Variants in GRID2 observed in about 807,000 individuals in gnomAD.
GRID2 encodes the protein glutamate receptor ionotropic, delta-2.
Under a neutral mutation model 114.8 loss-of-function variants are expected in GRID2, and 33 were observed. That is an observed-to-expected ratio of 0.29 (90% CI 0.22 to 0.38). GRID2 has a LOEUF of 0.38. Among genes scored for constraint, GRID2 ranks in the 10% least tolerant of loss-of-function variants. The pLI, the probability that GRID2 is intolerant of heterozygous loss-of-function variation, is 1.00. For synonymous variants in GRID2, 505 were observed against 449.9 expected (o/e 1.12, Z -1.55); for missense variants, 1,184 against 1,257.7 (o/e 0.94, Z 0.89).
chr4:93,575,074 A>G (rs1258442574), intron 13 of GRID2, among the ~76,000 whole-genome samples: 1 of 152,112 alleles, frequency 6.6e-6, no homozygotes, highest in Non-Finnish European at 1.5e-5. Context: ...ATCTTAGGAG[A>G]GCCTATTCCA....
At chr4:93,057,555 T>C (rs1727377216) in intron 2 of GRID2, among the ~76,000 whole-genome samples, 1 of 151,768 alleles carries the variant, frequency 6.6e-6, no homozygotes, top group African/African-American at 2.4e-5. Flanking sequence ...AAAAAAGACA[T>C]AAAGTAAAAC....
chr4:92,404,611 G>A (rs1560609797), intron 1 of GRID2, among the ~76,000 whole-genome samples: 1 of 152,010 alleles, frequency 6.6e-6, no homozygotes, highest in Non-Finnish European at 1.5e-5. Flanking sequence ...CTATTCACAG[G>A]AGCAAAGAGA....
At chr4:92,490,007 T>G (rs1225276719) in intron 1 of GRID2, among the ~76,000 whole-genome samples, 1 of 152,170 alleles carries the variant, frequency 6.6e-6, no homozygotes, top group Non-Finnish European at 1.5e-5. Flanking sequence ...TATGTTTCCT[T>G]AAAATCAAAA....
In GRID2 at chr4:93,654,058, G is replaced by T. The variant is rs139243769; in HGVS notation, c.2360+27623G>T. ...AAGGTTTTTCTTTTATTTCCTGGGT[G>T]TTTCTTAATAAGTGGACTTATTGTA... On this transcript the variant is annotated intron_variant, in intron 14 of 15. Coordinates refer to ENST00000282020, the MANE Select transcript of GRID2 (RefSeq NM_001510.4). 1.8e-3 allele frequency among the ~76,000 whole-genome samples: 271 copies of T among 152,262 alleles called. 1 individual carries two copies. Among genetic ancestry groups the T allele is most frequent in the African/African-American group, 6.2e-3 (259 of 41,566 alleles).
intron 2 of GRID2, among the ~76,000 whole-genome samples, chr4:93,065,120 A>G (rs1272784823): frequency 1.3e-5 from 2 of 151,880 alleles, no homozygotes; most frequent in South Asian, 4.1e-4. Flanking sequence ...TATTTTTGAG[A>G]TCATACTAGT....
At chr4:93,392,871 G>A (rs533560234) in intron 8 of GRID2, among the ~76,000 whole-genome samples, 1 of 151,932 alleles carries the variant, frequency 6.6e-6, no homozygotes, top group Non-Finnish European at 1.5e-5. Flanking sequence ...TTACCTCTTA[G>A]TATATATGTG....
intron 2 of GRID2, among the ~76,000 whole-genome samples, chr4:92,630,617 A>C (rs1028664642): frequency 6.6e-6 from 1 of 152,092 alleles, no homozygotes; most frequent in Non-Finnish European, 1.5e-5. Flanking sequence ...TCTTGGTTTT[A>C]GCTCGCTAAA....
chr4:93,096,862 A>T (rs1401236684), intron 3 of GRID2, among the ~76,000 whole-genome samples: 1 of 152,026 alleles, frequency 6.6e-6, no homozygotes, highest in Non-Finnish European at 1.5e-5. Flanking sequence ...GTACAAGAAT[A>T]TTCATAGCAG....
At chr4:92,693,590 A>G (rs1355824365) in intron 2 of GRID2, among the ~76,000 whole-genome samples, 4 of 152,326 alleles carry the variant, frequency 2.6e-5, no homozygotes, top group Non-Finnish European at 4.4e-5. Flanking sequence ...GGAAATGACT[A>G]TATTCCCATC....
At chr4:92,752,003 G>T (rs573046049) in intron 2 of GRID2, among the ~76,000 whole-genome samples, 37 of 152,256 alleles carry the variant, frequency 2.4e-4, no homozygotes, top group African/African-American at 7.9e-4. Context: ...GCAAAAGTGC[G>T]AATTTCTCTG....
Position 92,666,690 on chromosome 4 carries a change from C to A in GRID2, c.244+76404C>A, listed in dbSNP as rs1290916867. On this transcript the variant is annotated intron_variant, in intron 2 of 15. Coordinates refer to ENST00000282020, the MANE Select transcript of GRID2 (RefSeq NM_001510.4). ...TTTTTTCAGATCTTTTCTGAGCCTG[C>A]ATTTCTCCCTGGGCATTCCTGAAAA... is the stretch of plus-strand genomic sequence containing the variant. Among the ~76,000 whole-genome samples, 14 of 96,772 alleles carry A rather than the reference C, an allele frequency of 1.4e-4. 1 individual carries two copies. Among genetic ancestry groups the A allele is most frequent in the Non-Finnish European group, 2.9e-4 (14 of 48,088 alleles). The allele number at this position is 96,772 out of a possible 152,430, so 63.5% of individuals were successfully genotyped here.
chr4:93,359,242 C>T (rs1761642582), intron 8 of GRID2, among the ~76,000 whole-genome samples: 1 of 151,784 alleles, frequency 6.6e-6, no homozygotes, highest in Non-Finnish European at 1.5e-5. Context: ...ATGCATGTGT[C>T]TTTTGAAACT....
intron 1 of GRID2, among the ~76,000 whole-genome samples, chr4:92,578,960 T>C (rs1728043271): frequency 6.6e-6 from 1 of 152,188 alleles, no homozygotes; most frequent in African/African-American, 2.4e-5. Flanking sequence ...GTTTGCCAAT[T>C]TGCTTTATAG....
At chr4:93,333,495 T>A (rs988916782) in intron 8 of GRID2, among the ~76,000 whole-genome samples, 9 of 152,170 alleles carry the variant, frequency 5.9e-5, no homozygotes, top group African/African-American at 2.2e-4. Flanking sequence ...ATGTGGCAAA[T>A]TCAAAACCTT....
intron 1 of GRID2, among the ~76,000 whole-genome samples, chr4:92,516,420 A>C (rs1279941385): frequency 6.6e-6 from 1 of 151,886 alleles, no homozygotes; most frequent in African/African-American, 2.4e-5. Context: ...GCAATCAATG[A>C]TGTTCAGCTT....
At chr4:92,473,656 G>A (rs1224126557) in intron 1 of GRID2, among the ~76,000 whole-genome samples, 5 of 151,936 alleles carry the variant, frequency 3.3e-5, no homozygotes, top group Admixed American at 2.6e-4. Flanking sequence ...TATTCTTTAT[G>A]AATTTGAAAA....
intron 14 of GRID2, among the ~76,000 whole-genome samples, chr4:93,683,244 C>G (rs1250098199): frequency 6.6e-6 from 1 of 151,982 alleles, no homozygotes; most frequent in African/African-American, 2.4e-5. Flanking sequence ...GCTCAGATCT[C>G]AAGTTACATC....
chr4:93,365,418 C>T (rs529618317), intron 8 of GRID2, among the ~76,000 whole-genome samples: 2 of 152,236 alleles, frequency 1.3e-5, no homozygotes, highest in East Asian at 3.9e-4. Context: ...AGTAGGTATT[C>T]CATGTATAGG....
chr4:93,143,437 G>A (rs192637013), intron 4 of GRID2, among the ~76,000 whole-genome samples: 1 of 152,174 alleles, frequency 6.6e-6, no homozygotes, highest in Admixed American at 6.5e-5. Flanking sequence ...AGGCCAATAT[G>A]GCATGGAATA....
Sources: gnomAD v4.1 joint callset for allele counts (sites outside exome capture counted in the v4.1 genomes callset) on GRCh38, gnomAD v4.1.1 for gene constraint, MANE v1.5 for transcripts, NCBI Gene and HGNC (gene_info 2026-07-23, HGNC 2026-07-21) for gene names.